The following GPSM2 variants were observed in gnomAD, a reference collection of about 807,000 sequenced individuals.
GPSM2 encodes the protein G protein-signaling modulator 2.
GPSM2 carries 58 observed loss-of-function variants against 78.4 expected under a neutral mutation model. That is an observed-to-expected ratio of 0.74 (90% CI 0.60 to 0.92). The LOEUF (loss-of-function observed/expected upper bound fraction) is 0.92, where lower values mean the gene tolerates loss of function less well. GPSM2 is among the 40% of genes least tolerant of loss of function. The pLI is 0.00. For synonymous variants in GPSM2, 224 were observed against 280.2 expected, an observed-to-expected ratio of 0.80 and a Z score of 2.00; for missense variants, 700 against 815.5, an observed-to-expected ratio of 0.86 and a Z score of 1.73.
intron 4 of GPSM2, 131 bp downstream of exon 4, chr1:108,897,758 A>C: frequency 1.0e-6 from 1 of 979,424 alleles, no homozygotes; most frequent in Non-Finnish European, 1.5e-6. Context: ...AGACTAATAG[A>C]AGTAAAAGAA....
chr1:108,929,499 A>G, intron 14 of GPSM2: 2 of 602,752 alleles, frequency 3.3e-6, no homozygotes, highest in Admixed American at 5.9e-5. Flanking sequence ...GAAAAATTTT[A>G]TGCAGTTTCA....
intron 7 of GPSM2, among the ~76,000 whole-genome samples, chr1:108,899,886 A>G (rs370587841): frequency 9.8e-4 from 150 of 152,362 alleles, no homozygotes; most frequent in Admixed American, 3.4e-3. Flanking sequence ...TTTAAACATC[A>G]ACTAATGGTT....
At position 108,898,110 on chromosome 1, in the gene GPSM2, G is replaced by C; in HGVS notation, c.557+9G>C. The C allele has an allele frequency of 6.2e-7, 1 of 1,612,488 alleles. No individual in the cohort carries two copies. Reference sequence around the variant, plus strand: ...GCCGTGGATTTTTATGAGTGAGTAGGGGCTGATATGGGCAGTCATGTAGGC... The same window carrying C: ...GCCGTGGATTTTTATGAGTGAGTAGCGGCTGATATGGGCAGTCATGTAGGC... On this transcript the variant is annotated intron_variant, in intron 5 of 14. Coordinates refer to ENST00000264126, the MANE Select transcript of GPSM2 (RefSeq NM_013296.5).
At chr1:108,877,610 C>G (rs1306944704) in intron 1 of GPSM2, 1 of 151,858 alleles carries the variant, frequency 6.6e-6, no homozygotes, top group African/African-American at 2.4e-5. Flanking sequence ...CCCGAATCCC[C>G]GTGGAATTCA....
At chr1:108,894,597 C>G (rs1416434842) in intron 2 of GPSM2, among the ~76,000 whole-genome samples, 1 of 152,126 alleles carries the variant, frequency 6.6e-6, no homozygotes, top group East Asian at 1.9e-4. Context: ...GCTCAGGAGA[C>G]TGAGGCACGA....
At chr1:108,922,656 C>A in intron 13 of GPSM2, 80 bp downstream of exon 13, 1 of 1,127,546 alleles carries the variant, frequency 8.9e-7, no homozygotes, top group Non-Finnish European at 1.4e-6. Flanking sequence ...ATTGAATTCC[C>A]ATCATAAGAG....
At chr1:108,905,676 A>G (rs983983690) in intron 10 of GPSM2, among the ~76,000 whole-genome samples, 5 of 150,810 alleles carry the variant, frequency 3.3e-5, no homozygotes, top group Admixed American at 6.6e-5. Context: ...TTCCCTCCCT[A>G]TTTTCCATCT....
At chr1:108,886,584 A>C (rs1044643498) in intron 2 of GPSM2, among the ~76,000 whole-genome samples, 2 of 152,244 alleles carry the variant, frequency 1.3e-5, no homozygotes, top group African/African-American at 4.8e-5. Context: ...GCAGATTGTA[A>C]GGACCAGTGT....
At chr1:108,880,314 G>A (rs115454738) in intron 1 of GPSM2, among the ~76,000 whole-genome samples, 2,423 of 152,226 alleles carry the variant, frequency 0.016, 21 homozygotes, top group Middle Eastern at 0.031. Flanking sequence ...ATGTGTTTGG[G>A]TCAGGTGCAG....
intron 2 of GPSM2, among the ~76,000 whole-genome samples, chr1:108,893,273 T>C (rs1648105392): frequency 6.6e-6 from 1 of 152,232 alleles, no homozygotes; most frequent in South Asian, 2.1e-4. Flanking sequence ...TTTTTAAATG[T>C]TGTTCACATG....
chr1:108,898,725 T>C lies in GPSM2; in HGVS notation c.641T>C (p.Leu214Pro). 6.2e-7 allele frequency: 1 copy of C among 1,614,040 alleles called. No individual in the cohort carries two copies. Among genetic ancestry groups the C allele is most frequent in the Non-Finnish European group, 8.5e-7 (1 of 1,179,940 alleles). Residue 214 changes from leucine (L) to proline (P), a missense_variant, in exon 6 of 15, where the codon CTC (leucine) becomes CCC (proline). By Grantham distance (98) the Leu-to-Pro change is moderately conservative. Coordinates refer to ENST00000264126, the MANE Select transcript of GPSM2 (RefSeq NM_013296.5). ...GGAAATCTTGGAAACACACATTACC[T>C]CCTTGGCAACTTCAGGGATGCAGTT... ...AFGNLGNTHY[L>P]LGNFRDAVIA... is the part of the protein sequence containing the mutation.
chr1:108,906,866 A>G (rs1379025861), intron 10 of GPSM2, among the ~76,000 whole-genome samples: 2 of 152,140 alleles, frequency 1.3e-5, no homozygotes, highest in East Asian at 1.9e-4. Flanking sequence ...TGACGGAACT[A>G]TAGGCACGAC....
At chr1:108,892,691 T>G (rs1336984912) in intron 2 of GPSM2, among the ~76,000 whole-genome samples, 2 of 152,210 alleles carry the variant, frequency 1.3e-5, no homozygotes, top group Non-Finnish European at 2.9e-5. Context: ...AGTAATTCTA[T>G]TCTCTCATAG....
intron 1 of GPSM2, among the ~76,000 whole-genome samples, chr1:108,884,005 G>A (rs183885746): frequency 1.3e-4 from 20 of 151,926 alleles, no homozygotes; most frequent in Non-Finnish European, 2.6e-4. Context: ...TCCGCCTCCC[G>A]GGTTCAGGCT....
intron 10 of GPSM2, among the ~76,000 whole-genome samples, chr1:108,912,872 C>T (rs57950486): frequency 5.6e-5 from 7 of 125,198 alleles, no homozygotes. Flanking sequence ...TGGTGAAACC[C>T]TGTCTCTACT....
chr1:108,883,351 A>T (rs189023390), intron 1 of GPSM2, among the ~76,000 whole-genome samples: 2 of 152,362 alleles, frequency 1.3e-5, no homozygotes, highest in East Asian at 1.9e-4. Flanking sequence ...ACTTAAAAGG[A>T]TGTTATATAG....
chr1:108,911,683 C>T (rs1029673336), intron 10 of GPSM2, among the ~76,000 whole-genome samples: 19 of 151,504 alleles, frequency 1.3e-4, no homozygotes, highest in African/African-American at 3.4e-4. Flanking sequence ...AAGGCCTCAA[C>T]GTACATAAAG....
At chr1:108,927,647 C>T (rs1769730) in intron 14 of GPSM2, among the ~76,000 whole-genome samples, 54,253 of 151,774 alleles carry the variant, frequency 0.36, 11,285 homozygotes, top group African/African-American at 0.57. Flanking sequence ...TCAAAGTGGG[C>T]CAAAGACCTA....
At chr1:108,915,384 A>T (rs1229543534) in intron 11 of GPSM2, among the ~76,000 whole-genome samples, 1 of 151,206 alleles carries the variant, frequency 6.6e-6, no homozygotes, top group Non-Finnish European at 1.5e-5. Context: ...AAAAAAAAAA[A>T]AAATAGGTTC....
Sources: allele counts gnomAD v4.1 joint callset (sites outside exome capture counted in the v4.1 genomes callset), GRCh38; gene constraint gnomAD v4.1.1; transcripts MANE v1.5; gene names NCBI Gene and HGNC (gene_info 2026-07-23, HGNC 2026-07-21).